HAAO: variants seen among roughly 807,000 people sequenced by gnomAD.
HAAO encodes the protein 3-hydroxyanthranilate 3,4-dioxygenase, also known as 3-hydroxyanthranilate oxygenase.
Under a neutral mutation model 46.2 loss-of-function variants are expected in HAAO, and 49 were observed. The ratio of observed to expected loss-of-function variants is 1.06; its 90% CI spans 0.84 to 1.34. The LOEUF (loss-of-function observed/expected upper bound fraction) is 1.34, where lower values mean the gene tolerates loss of function less well. Among genes scored for constraint, HAAO ranks in the 40% most tolerant of loss-of-function variants. The pLI is 0.00. For missense variants in HAAO, 408 were observed against 364.5 expected (o/e 1.12, Z -0.97); for synonymous variants, 157 against 145.2 (o/e 1.08, Z -0.58).
At chr2:42,774,209 C>A (rs572162935) in intron 4 of HAAO, among the ~76,000 whole-genome samples, 16 of 152,320 alleles carry the variant, frequency 1.1e-4, no homozygotes, top group African/African-American at 3.6e-4. Flanking sequence ...GTGTCACGAG[C>A]GTGCATCCTC....
intron 1 of HAAO, among the ~76,000 whole-genome samples, chr2:42,790,567 T>G (rs1465136001): frequency 1.3e-5 from 2 of 150,432 alleles, no homozygotes; most frequent in African/African-American, 2.5e-5. Flanking sequence ...GAGTCTTGCT[T>G]GCCACCCAGG....
chr2:42,792,040 G>A (rs865786064), intron 1 of HAAO, among the ~76,000 whole-genome samples: 13 of 152,218 alleles, frequency 8.5e-5, no homozygotes, highest in Admixed American at 2.6e-4. Context: ...GTGGCTTCTG[G>A]GACAGGGTTG....
chr2:42,769,911 C>T, intron 6 of HAAO, 53 bp from the exon 7 acceptor site: 5 of 1,539,572 alleles, frequency 3.2e-6, no homozygotes, highest in Non-Finnish European at 4.4e-6. Flanking sequence ...GCCCACCCAG[C>T]CCCAGTGGGC....
chr2:42,785,732 T>G (rs1672333459), intron 2 of HAAO, among the ~76,000 whole-genome samples: 1 of 151,976 alleles, frequency 6.6e-6, no homozygotes, highest in Non-Finnish European at 1.5e-5. Flanking sequence ...TATGGTGATG[T>G]GTGCCTGTAG....
chr2:42,783,957 C>A (rs1672207652), intron 2 of HAAO, 90 bp from the exon 3 acceptor site: 7 of 1,540,160 alleles, frequency 4.5e-6, no homozygotes, highest in Non-Finnish European at 5.3e-6. Flanking sequence ...ACCGGGAAAC[C>A]TGAGAAACTT....
At chr2:42,783,716 G>T in intron 3 of HAAO, 68 bp downstream of exon 3, 1 of 1,342,576 alleles carries the variant, frequency 7.4e-7, no homozygotes, top group Non-Finnish European at 1.1e-6. Context: ...GGGCCAGGAT[G>T]AGTGGACAGG....
chr2:42,780,008 A>T (rs1448154047), intron 4 of HAAO, among the ~76,000 whole-genome samples: 1 of 152,132 alleles, frequency 6.6e-6, no homozygotes, highest in African/African-American at 2.4e-5. Flanking sequence ...AATCCTGATA[A>T]AACTTAGTGT....
chr2:42,784,812 C>T (rs1227739288), intron 2 of HAAO, among the ~76,000 whole-genome samples: 4 of 152,192 alleles, frequency 2.6e-5, no homozygotes, highest in Admixed American at 1.3e-4. Flanking sequence ...TTCTGAAGGG[C>T]AACTTGGCCA....
intron 7 of HAAO, among the ~76,000 whole-genome samples, chr2:42,768,195 G>A (rs965041581): frequency 3.3e-5 from 5 of 152,220 alleles, no homozygotes; most frequent in Admixed American, 6.5e-5. Context: ...TCTGATGTGT[G>A]CTCATGCGAA....
At chr2:42,770,220 G>A (rs1437384320) in intron 5 of HAAO, 34 bp from the exon 6 acceptor site, 14 of 1,572,738 alleles carry the variant, frequency 8.9e-6, no homozygotes, top group East Asian at 7.0e-5. Context: ...CAGGAGTGGC[G>A]AGCACTCCCA....
At position 42,767,920 on chromosome 2, in the gene HAAO, G is replaced by T. The variant is rs372792225; in HGVS notation, c.639C>A (p.Ala213=). The change falls in exon 8 of 10, where the codon GCC becomes GCA. Residue 213 remains alanine (A), a synonymous_variant. Transcript: ENST00000294973. The part of the protein sequence containing the change: ...FGDTYETQVI[A]YGQGSSEGLR... ...GGCCTTCGCTGCTGCCTTGCCCATA[G>T]GCGATCACCTGGTGGGAGGTGAAAC... is the stretch of plus-strand genomic sequence containing the variant. 5.0e-6 allele frequency: 8 copies of T among 1,613,752 alleles called. No homozygotes were observed. The African/African-American group carries it at 1.1e-4, about 22-fold the overall frequency.
intron 1 of HAAO, chr2:42,789,039 TC>T: frequency 5.2e-6 from 1 of 193,136 alleles, no homozygotes; most frequent in South Asian, 1.2e-4. Flanking sequence ...CCCTGCACTC[TC>T]CCCTGGCTGG....
At chr2:42,791,344 G>A (rs1672784383) in intron 1 of HAAO, among the ~76,000 whole-genome samples, 2 of 152,172 alleles carry the variant, frequency 1.3e-5, no homozygotes, top group Admixed American at 6.5e-5. Flanking sequence ...AGACCTCAGG[G>A]GGAGCGAAGG....
At position 42,788,580 on chromosome 2, in the gene HAAO, GA is replaced by G; in HGVS notation, c.107del (p.Phe36SerfsTer78). Reference sequence around the variant, plus strand: ...CCTTCCTGGTGTTGGGGCCTCCGATGAACATGACTTTGAGCTGCTCCTGGTG... The same window carrying G: ...CCTTCCTGGTGTTGGGGCCTCCGATGACATGACTTTGAGCTGCTCCTGGTG... ...LMHQEQLKVMFIGGPNTRKDY... is the reference protein window; with the variant it reads ...LMHQEQLKVMXIGGPNTRKDY... On this transcript the variant is annotated frameshift_variant, in exon 2 of 10. Transcript: ENST00000294973. LOFTEE classifies it high-confidence loss of function. The G allele has an allele frequency of 1.3e-6, 2 of 1,598,210 alleles. No homozygotes were observed. Among genetic ancestry groups the G allele is most frequent in the Non-Finnish European group, 1.7e-6 (2 of 1,165,778 alleles).
intron 7 of HAAO, 39 bp from the exon 8 acceptor site, chr2:42,767,967 C>T: frequency 6.3e-7 from 1 of 1,575,954 alleles, no homozygotes; most frequent in East Asian, 2.2e-5. Context: ...GTGCTTCTTG[C>T]CCCACATGGG....
At chr2:42,774,786 T>TTTG (rs150872395) in intron 4 of HAAO, among the ~76,000 whole-genome samples, 1 of 151,782 alleles carries the variant, frequency 6.6e-6, no homozygotes, top group Non-Finnish European at 1.5e-5. Flanking sequence ...TGCTTCACTG[T>TTTG]TTGTTGTTGT....
chr2:42,776,119 C>T (rs1191119849), intron 4 of HAAO, among the ~76,000 whole-genome samples: 3 of 151,562 alleles, frequency 2.0e-5, no homozygotes, highest in African/African-American at 7.3e-5. Context: ...GGACTTTGCC[C>T]AGAGCTCAGA....
Position 42,770,163 on chromosome 2 carries a change from C to G in HAAO, c.464G>C (p.Arg155Thr). Residue 155 changes from arginine to threonine, a missense_variant, in exon 6 of 10, where the codon AGA becomes ACA. Coordinates refer to ENST00000294973, the MANE Select transcript of HAAO (RefSeq NM_012205.3). ...IQEFFSSEQYRTGKPIPDQLL... is the reference protein window; with the variant it reads ...IQEFFSSEQYTTGKPIPDQLL... ...CTCACCAGGGATGGGCTTTCCTGTT[C>G]TGTACTGCTCAGAGCTGAAGAACCT... 6.2e-7 allele frequency: 1 copy of G among 1,602,822 alleles called. No homozygotes were observed. The highest frequency in any genetic ancestry group is 1.1e-5 in the South Asian group (1 of 89,296).
In HAAO at chr2:42,767,850, C is replaced by G; in HGVS notation, c.699+10G>C. 1.2e-6 allele frequency: 2 copies of G among 1,613,290 alleles called. No homozygotes were observed. The highest frequency in any genetic ancestry group is 1.7e-6 in the Non-Finnish European group (2 of 1,179,266). ...GGGGTTCTGCAACCCTGTCCCTGGG[C>G]CCCACTTGCCAGCTGCCACAGCCAC... On this transcript the variant is annotated intron_variant, in intron 8 of 9. Transcript: ENST00000294973.
Sources: allele counts gnomAD v4.1 joint callset (sites outside exome capture counted in the v4.1 genomes callset), GRCh38; gene constraint gnomAD v4.1.1; transcripts MANE v1.5; gene names NCBI Gene and HGNC (gene_info 2026-07-23, HGNC 2026-07-21).